The following FGF13 variants were observed in gnomAD, a reference collection of about 807,000 sequenced individuals.
FGF13 encodes the protein fibroblast growth factor homologous factor 2.
In FGF13, 2 loss-of-function variants were observed where a neutral mutation model predicts 19.5. The ratio of observed to expected loss-of-function variants is 0.10; its 90% CI spans 0.04 to 0.32. The LOEUF is 0.32. FGF13 is among the 10% of genes least tolerant of loss of function. The pLI is 1.00. For missense variants in FGF13, 113 were observed against 192.7 expected (o/e 0.59, Z 2.45); for synonymous variants, 72 against 76.9 (o/e 0.94, Z 0.33).
At chrX:139,091,087 T>A (rs778764388) in intron 1 of FGF13, among the ~76,000 whole-genome samples, 16 of 111,030 alleles carry the variant, frequency 1.4e-4, no homozygotes, top group African/African-American at 5.2e-4. Context: ...TCTCTCTTTG[T>A]CTAAAGAAGG....
At chrX:139,043,822 G>T (rs1408904159) in intron 1 of FGF13, among the ~76,000 whole-genome samples, 1 of 112,169 alleles carries the variant, frequency 8.9e-6, no homozygotes, top group African/African-American at 3.3e-5. Context: ...CTACATCACG[G>T]TTGAACTCTT....
At chrX:138,781,718 C>T (rs2090644788) in intron 3 of FGF13, among the ~76,000 whole-genome samples, 1 of 111,746 alleles carries the variant, frequency 8.9e-6, no homozygotes, top group South Asian at 3.8e-4. Context: ...CAGCTGAATT[C>T]TACCAGAGGT....
chrX:138,807,176 C>G (rs180958657), intron 3 of FGF13: 1 of 109,773 alleles, frequency 9.1e-6, no homozygotes, highest in Non-Finnish European at 1.9e-5. Context: ...GTCGATGCCC[C>G]AGTGATATAA....
intron 1 of FGF13, among the ~76,000 whole-genome samples, chrX:138,993,907 T>C (rs2092029989): frequency 8.9e-6 from 1 of 111,847 alleles, no homozygotes; most frequent in African/African-American, 3.3e-5. Context: ...AACTACTCTT[T>C]CCATCAATTT....
intron 1 of FGF13, among the ~76,000 whole-genome samples, chrX:139,065,218 C>G (rs1035787823): frequency 3.6e-5 from 4 of 111,001 alleles, no homozygotes; most frequent in African/African-American, 1.3e-4. Flanking sequence ...CTGTAAAGAT[C>G]ATTGACACTA....
At chrX:138,984,570 AAGAAGAAGAAGAAGAAGAAGG>A (rs1569436136) in intron 1 of FGF13, among the ~76,000 whole-genome samples, 9 of 52,038 alleles carry the variant, frequency 1.7e-4, no homozygotes, top group African/African-American at 5.8e-4. Context: ...GAAGAAGAAG[AAGAAGAAGAAGAAGAAGAAGG>A]AGGAGGAGGA....
At chrX:139,066,988 A>G (rs1186668114) in intron 1 of FGF13, among the ~76,000 whole-genome samples, 2 of 111,880 alleles carry the variant, frequency 1.8e-5, no homozygotes, top group Non-Finnish European at 3.8e-5. Context: ...TACACAAATC[A>G]ATAAACATAA....
intron 1 of FGF13, among the ~76,000 whole-genome samples, chrX:139,188,859 AT>A (rs1285801080): frequency 2.7e-5 from 3 of 112,098 alleles, no homozygotes; most frequent in Admixed American, 9.5e-5. Context: ...AGTGAGTCAA[AT>A]TTCTCTTCAA....
chrX:138,725,559 C>T (rs1487213129), intron 1 of FGF13, among the ~76,000 whole-genome samples: 6 of 111,368 alleles, frequency 5.4e-5, no homozygotes, highest in African/African-American at 6.5e-5. Context: ...CTAAGCAGTA[C>T]GGTAAGATTT....
intron 1 of FGF13, among the ~76,000 whole-genome samples, chrX:138,888,699 G>GA (rs373787930): frequency 1.1e-3 from 102 of 96,655 alleles, no homozygotes; most frequent in South Asian, 5.2e-3. Flanking sequence ...CCAAGAAAAA[G>GA]AAAAAAAAAA....
At position 138,860,457 on chromosome X, in the gene FGF13, C is replaced by CT. The variant is rs758522675; in HGVS notation, c.-38-2779dup. 7.8e-3 allele frequency among the ~76,000 whole-genome samples: 874 copies of CT among 111,504 alleles called. 12 individuals are homozygous for CT. Among genetic ancestry groups the CT allele is most frequent in the African/African-American group, 0.028 (846 of 30,668 alleles). On this transcript the variant is annotated intron_variant, in intron 2 of 2. Transcript: ENST00000421460. ...TAAGATAGGAAAAGGGAATGGGTTT[C>CT]TTTTTTCCCTGGCTTAATGCAATGT...
intron 3 of FGF13, among the ~76,000 whole-genome samples, chrX:138,824,836 C>A (rs929169821): frequency 2.5e-4 from 28 of 111,623 alleles, no homozygotes; most frequent in African/African-American, 9.1e-4. Context: ...AGTTTCATGG[C>A]CCCTAAGGAA....
At chrX:139,156,351 G>A (rs909380168) in intron 1 of FGF13, among the ~76,000 whole-genome samples, 8 of 111,691 alleles carry the variant, frequency 7.2e-5, no homozygotes, top group African/African-American at 9.8e-5. Flanking sequence ...TGGTATTCAC[G>A]CCCCTGTATA....
chrX:139,055,041 G>T (rs1052807321), intron 1 of FGF13, among the ~76,000 whole-genome samples: 13 of 111,571 alleles, frequency 1.2e-4, no homozygotes, highest in African/African-American at 4.2e-4. Flanking sequence ...CTTGTATCCG[G>T]AAAGTTTGCT....
chrX:139,139,893 C>G (rs910232402), intron 1 of FGF13, among the ~76,000 whole-genome samples: 2 of 111,558 alleles, frequency 1.8e-5, no homozygotes, highest in African/African-American at 6.5e-5. Context: ...ATTTGAAACA[C>G]CCTATACATG....
intron 3 of FGF13, among the ~76,000 whole-genome samples, chrX:138,770,894 G>A (rs1468208156): frequency 9.0e-6 from 1 of 111,681 alleles, no homozygotes; most frequent in Non-Finnish European, 1.9e-5. Flanking sequence ...TCGGTGTGGG[G>A]TGGAGAAGGT....
chrX:138,675,364 T>A (rs756502003), intron 3 of FGF13, among the ~76,000 whole-genome samples: 1 of 112,106 alleles, frequency 8.9e-6, no homozygotes, highest in East Asian at 2.8e-4. Context: ...TAGGATTTAC[T>A]CAACTGCAAG....
At chrX:138,822,590 G>A (rs547903780) in intron 3 of FGF13, among the ~76,000 whole-genome samples, 3 of 112,088 alleles carry the variant, frequency 2.7e-5, no homozygotes, top group Non-Finnish European at 5.6e-5. Context: ...AAGGGCAAGT[G>A]GACAGAGTTA....
intron 1 of FGF13, among the ~76,000 whole-genome samples, chrX:138,910,610 G>C (rs1483736091): frequency 8.9e-6 from 1 of 112,244 alleles, no homozygotes; most frequent in Non-Finnish European, 1.9e-5. Context: ...GCTGAGATTT[G>C]AAGGAGACAG....
Sources: allele counts gnomAD v4.1 joint callset (sites outside exome capture counted in the v4.1 genomes callset), GRCh38; gene constraint gnomAD v4.1.1; transcripts MANE v1.5; gene names NCBI Gene and HGNC (gene_info 2026-07-23, HGNC 2026-07-21).